Variants in ATP6V1G3 observed in about 807,000 individuals in gnomAD.
ATP6V1G3 encodes the protein ATPase H+ transporting V1 subunit G3.
A neutral mutation model predicts 9.3 loss-of-function variants in ATP6V1G3; 9 were observed. The ratio of observed to expected loss-of-function variants is 0.97; its 90% CI spans 0.59 to 1.69. ATP6V1G3 has a LOEUF of 1.69. Among genes scored for constraint, ATP6V1G3 ranks in the 40% most tolerant of loss-of-function variants. The pLI, the probability that ATP6V1G3 is intolerant of heterozygous loss-of-function variation, is 0.00. For synonymous variants in ATP6V1G3, 43 were observed against 43.8 expected, an observed-to-expected ratio of 0.98 and a Z score of 0.07; for missense variants, 133 against 139.0, an observed-to-expected ratio of 0.96 and a Z score of 0.22.
At chr1:198,524,041 T>A (rs184554533) in intron 2 of ATP6V1G3, among the ~76,000 whole-genome samples, 31 of 152,314 alleles carry the variant, frequency 2.0e-4, no homozygotes, top group African/African-American at 6.7e-4. Context: ...TTTCTATTTT[T>A]AAAATACATT....
intron 2 of ATP6V1G3, among the ~76,000 whole-genome samples, chr1:198,525,982 A>C (rs1347727326): frequency 6.6e-6 from 1 of 152,126 alleles, no homozygotes; most frequent in Non-Finnish European, 1.5e-5. Flanking sequence ...TGATTGTTTT[A>C]CTTGTACTTT....
At chr1:198,538,138 C>G (rs1660193392) in intron 1 of ATP6V1G3, among the ~76,000 whole-genome samples, 2 of 152,124 alleles carry the variant, frequency 1.3e-5, no homozygotes, top group Non-Finnish European at 2.9e-5. Context: ...TTTACTATTA[C>G]TGGTTGAATA....
chr1:198,540,421 G>T (rs1383823785), intron 1 of ATP6V1G3, 148 bp downstream of exon 1: 1 of 732,184 alleles, frequency 1.4e-6, no homozygotes, highest in Non-Finnish European at 2.3e-6. Flanking sequence ...ATATGGCTGG[G>T]TAATTTTAAT....
At position 198,533,088 on chromosome 1, in the gene ATP6V1G3, G is replaced by A. The variant is rs1571717939; in HGVS notation, c.83-3907C>T. Among the ~76,000 whole-genome samples the A allele has an allele frequency of 2.0e-5, 3 of 152,100 alleles. No homozygotes were observed. The East Asian group carries it at 5.8e-4, about 29-fold the overall frequency. On this transcript the variant is annotated intron_variant, in intron 1 of 2. Transcript: ENST00000367382. ...TGGGAGGCTGAGGCAGGTGGATCAT[G>A]AGGTCAAGAGATCGAGACTATCCTG...
At chr1:198,523,921 T>G (rs1267814159) in intron 2 of ATP6V1G3, among the ~76,000 whole-genome samples, 1 of 152,198 alleles carries the variant, frequency 6.6e-6, no homozygotes, top group Non-Finnish European at 1.5e-5. Context: ...GTTTATTTTC[T>G]GAATTATAAG....
chr1:198,523,646 A>G (rs922982000), intron 2 of ATP6V1G3, 82 bp from the exon 3 acceptor site: 3 of 1,320,414 alleles, frequency 2.3e-6, no homozygotes, highest in Non-Finnish European at 3.1e-6. Context: ...TTTACTGATG[A>G]TTGTCCTACA....
At chr1:198,527,299 G>A (rs955507738) in intron 2 of ATP6V1G3, among the ~76,000 whole-genome samples, 37 of 152,212 alleles carry the variant, frequency 2.4e-4, no homozygotes, top group African/African-American at 8.7e-4. Context: ...CTTTCTATGT[G>A]AGCTTTTGAT....
intron 1 of ATP6V1G3, among the ~76,000 whole-genome samples, chr1:198,537,677 T>A (rs980680814): frequency 6.6e-6 from 1 of 152,226 alleles, no homozygotes; most frequent in Non-Finnish European, 1.5e-5. Context: ...GATAACTATC[T>A]TTACCTCTCC....
chr1:198,532,465 C>T (rs1234011166), intron 1 of ATP6V1G3, among the ~76,000 whole-genome samples: 1 of 152,124 alleles, frequency 6.6e-6, no homozygotes, highest in African/African-American at 2.4e-5. Flanking sequence ...TATTGTAGAT[C>T]TATGGATATA....
intron 1 of ATP6V1G3, among the ~76,000 whole-genome samples, chr1:198,537,060 C>A (rs992037412): frequency 6.6e-6 from 1 of 152,178 alleles, no homozygotes; most frequent in Non-Finnish European, 1.5e-5. Flanking sequence ...ACTTCCGAAG[C>A]CTGTCCACAT....
chr1:198,537,374 T>A (rs546317254), intron 1 of ATP6V1G3, among the ~76,000 whole-genome samples: 1 of 152,298 alleles, frequency 6.6e-6, no homozygotes, highest in South Asian at 2.1e-4. Flanking sequence ...AACATGTGAA[T>A]TGCTGTTTTC....
chr1:198,529,617 G>C (rs1215974998), intron 1 of ATP6V1G3, among the ~76,000 whole-genome samples: 1 of 152,042 alleles, frequency 6.6e-6, no homozygotes, highest in East Asian at 1.9e-4. Context: ...ACACCAACTG[G>C]ATCCTATTTA....
Position 198,523,360 on chromosome 1 carries a change from CT to C in ATP6V1G3, c.*30del, listed in dbSNP as rs746211686. 169 of 1,552,948 alleles carry C rather than the reference CT, an allele frequency of 1.1e-4. No homozygotes were observed. The highest frequency in any genetic ancestry group is 4.7e-4 in the Admixed American group (26 of 54,968). On this transcript the variant is annotated 3_prime_UTR_variant, in exon 3 of 3. Transcript: ENST00000367382. ...AAGCAACCAGGTGGCACTCACACAC[CT>C]TTTTTTTTCTTGAAAACTGTGATGT...
At chr1:198,532,427 A>G (rs1018066517) in intron 1 of ATP6V1G3, among the ~76,000 whole-genome samples, 1 of 152,200 alleles carries the variant, frequency 6.6e-6, no homozygotes, top group Non-Finnish European at 1.5e-5. Context: ...TAATCAACAT[A>G]ACTAGATGTC....
chr1:198,533,122 G>A (rs1340155193), intron 1 of ATP6V1G3, among the ~76,000 whole-genome samples: 3 of 151,956 alleles, frequency 2.0e-5, no homozygotes, highest in Non-Finnish European at 4.4e-5. Context: ...TGGCCAACAT[G>A]GTGAAACCCG....
chr1:198,530,750 T>G (rs1264864034), intron 1 of ATP6V1G3, among the ~76,000 whole-genome samples: 5 of 152,164 alleles, frequency 3.3e-5, no homozygotes, highest in Non-Finnish European at 7.3e-5. Flanking sequence ...AGAGATTCTC[T>G]GTGAGCAGAA....
At chr1:198,531,429 A>T (rs1439938849) in intron 1 of ATP6V1G3, among the ~76,000 whole-genome samples, 1 of 152,222 alleles carries the variant, frequency 6.6e-6, no homozygotes, top group Non-Finnish European at 1.5e-5. Flanking sequence ...CATTAAAAAC[A>T]TGGCTGCTGT....
rs202231971 is a variant in ATP6V1G3, at chr1:198,524,085, AG to A, written c.184-522del. Among the ~76,000 whole-genome samples the A allele has an allele frequency of 4.9e-4, 74 of 151,584 alleles. No homozygotes were observed. In the East Asian group the frequency reaches 0.014, roughly 28 times the overall value. Reference sequence around the variant, plus strand: ...TGTATCTTGCTTTTATCAGGAAGACAGTCACAATGTGCGCTCTAAGATACTT... The same window carrying A: ...TGTATCTTGCTTTTATCAGGAAGACATCACAATGTGCGCTCTAAGATACTT... On this transcript the variant is annotated intron_variant, in intron 2 of 2. Transcript: ENST00000367382.
chr1:198,534,387 C>T (rs1660025748), intron 1 of ATP6V1G3, among the ~76,000 whole-genome samples: 1 of 152,124 alleles, frequency 6.6e-6, no homozygotes. Flanking sequence ...TGGCTACCAC[C>T]AGTGACCAGG....
Sources: allele counts gnomAD v4.1 joint callset (sites outside exome capture counted in the v4.1 genomes callset), GRCh38; gene constraint gnomAD v4.1.1; transcripts MANE v1.5; gene names NCBI Gene and HGNC (gene_info 2026-07-23, HGNC 2026-07-21).